The following MAPK10 variants were observed in gnomAD, a reference collection of about 807,000 sequenced individuals.
MAPK10 encodes JNK3 alpha protein kinase.
Under a neutral mutation model 59.3 loss-of-function variants are expected in MAPK10, and 25 were observed. The ratio of observed to expected loss-of-function variants is 0.42; its 90% confidence interval spans 0.31 to 0.59. The LOEUF is 0.59. Among genes scored for constraint, MAPK10 ranks in the 20% least tolerant of loss-of-function variants. The pLI is 0.15. For synonymous variants in MAPK10, 190 were observed against 200.5 expected, an observed-to-expected ratio of 0.95 and a Z score of 0.44; for missense variants, 351 against 568.9, an observed-to-expected ratio of 0.62 and a Z score of 3.90.
intron 3 of MAPK10, among the ~76,000 whole-genome samples, chr4:86,174,829 A>G (rs559862280): frequency 4.6e-5 from 7 of 152,284 alleles, no homozygotes; most frequent in African/African-American, 1.4e-4. Context: ...TCTTCATTCT[A>G]TATTTATTTT....
intron 9 of MAPK10, among the ~76,000 whole-genome samples, chr4:86,093,517 G>A (rs1406805542): frequency 1.3e-5 from 2 of 151,746 alleles, no homozygotes; most frequent in Non-Finnish European, 2.9e-5. Context: ...CATAAATTTA[G>A]TTGTTTAACA....
At chr4:86,275,734 G>T (rs2148783584) in intron 2 of MAPK10, among the ~76,000 whole-genome samples, 1 of 152,106 alleles carries the variant, frequency 6.6e-6, no homozygotes, top group South Asian at 2.1e-4. Flanking sequence ...ATGTGTTCTA[G>T]TTTCCAAAGT....
intron 4 of MAPK10, among the ~76,000 whole-genome samples, chr4:86,109,099 G>A (rs1261622937): frequency 2.6e-5 from 4 of 152,182 alleles, no homozygotes; most frequent in Non-Finnish European, 5.9e-5. Flanking sequence ...GGTAGAGCTA[G>A]TAACTCTCTC....
chr4:86,170,230 T>C (rs1365039085), intron 3 of MAPK10, among the ~76,000 whole-genome samples: 2 of 151,836 alleles, frequency 1.3e-5, no homozygotes, highest in Non-Finnish European at 2.9e-5. Flanking sequence ...TAAATGTAAA[T>C]GGACTAAATG....
At chr4:86,062,870 T>C (rs949423491) in intron 11 of MAPK10, among the ~76,000 whole-genome samples, 1 of 152,160 alleles carries the variant, frequency 6.6e-6, no homozygotes, top group African/African-American at 2.4e-5. Context: ...AGAGGTTCTA[T>C]ATTTTGGTTG....
chr4:86,256,064 C>G (rs536331791), intron 2 of MAPK10, among the ~76,000 whole-genome samples: 6 of 152,256 alleles, frequency 3.9e-5, no homozygotes, highest in African/African-American at 1.4e-4. Flanking sequence ...ATTACAGGCA[C>G]CAGACAAGTT....
At chr4:86,171,621 A>AC (rs1383393903) in intron 3 of MAPK10, among the ~76,000 whole-genome samples, 1 of 152,288 alleles carries the variant, frequency 6.6e-6, no homozygotes, top group Middle Eastern at 3.4e-3. Flanking sequence ...AACCATAAAA[A>AC]CCCTAGGAGA....
At chr4:86,285,389 G>A (rs2094963042) in intron 2 of MAPK10, among the ~76,000 whole-genome samples, 1 of 151,838 alleles carries the variant, frequency 6.6e-6, no homozygotes, top group African/African-American at 2.4e-5. Flanking sequence ...GCTAATTTTT[G>A]TATTTTTAGT....
At chr4:86,386,216 T>C (rs1013530725) in intron 1 of MAPK10, among the ~76,000 whole-genome samples, 1 of 152,240 alleles carries the variant, frequency 6.6e-6, no homozygotes, top group Admixed American at 6.5e-5. Flanking sequence ...ACTCCGCTCC[T>C]GGTTGACATT....
chr4:86,046,242 A>T (rs2042477472), intron 11 of MAPK10, among the ~76,000 whole-genome samples: 1 of 151,728 alleles, frequency 6.6e-6, no homozygotes, highest in Non-Finnish European at 1.5e-5. Context: ...CAATCATGTC[A>T]TCTGCAAACA....
intron 1 of MAPK10, among the ~76,000 whole-genome samples, chr4:86,517,269 CTTTTTT>C (rs1176457005): frequency 1.2e-5 from 1 of 84,264 alleles, no homozygotes; most frequent in Non-Finnish European, 2.2e-5. Flanking sequence ...GGTGTATTAT[CTTTTTT>C]TTTTTTTTTT....
intron 1 of MAPK10, among the ~76,000 whole-genome samples, chr4:86,475,234 G>C (rs546858067): frequency 6.6e-6 from 1 of 152,218 alleles, no homozygotes; most frequent in East Asian, 1.9e-4. Context: ...TGAAATTTTG[G>C]TGCCATGACT....
At chr4:86,322,478 G>T (rs886448305) in intron 2 of MAPK10, among the ~76,000 whole-genome samples, 3 of 152,158 alleles carry the variant, frequency 2.0e-5, no homozygotes, top group Admixed American at 2.0e-4. Context: ...CCTGAACGAT[G>T]CCTATAAAAA....
At chr4:86,489,103 T>C (rs921250844) in intron 1 of MAPK10, among the ~76,000 whole-genome samples, 6 of 152,056 alleles carry the variant, frequency 3.9e-5, no homozygotes, top group Admixed American at 2.0e-4. Context: ...AGGGAAGCCA[T>C]ACAGGACCAG....
chr4:86,585,209 TCCCC>T (rs1412137022), intron 1 of MAPK10, among the ~76,000 whole-genome samples: 2 of 152,104 alleles, frequency 1.3e-5, no homozygotes, highest in Non-Finnish European at 2.9e-5. Flanking sequence ...AAGTCTTATT[TCCCC>T]CTCCACACTC....
At chr4:86,386,928 C>T (rs1370075495) in intron 1 of MAPK10, among the ~76,000 whole-genome samples, 2 of 152,008 alleles carry the variant, frequency 1.3e-5, no homozygotes, top group Non-Finnish European at 2.9e-5. Context: ...ACATCATATG[C>T]CTCAAGACTG....
chr4:86,342,511 T>C (rs576235080), intron 2 of MAPK10, among the ~76,000 whole-genome samples: 1 of 146,334 alleles, frequency 6.8e-6, no homozygotes, highest in South Asian at 2.4e-4. Flanking sequence ...TTATTATTGA[T>C]GGCTTAGATT....
rs1325884494 is a variant in MAPK10 at position 86,015,077 on chromosome 4, A to G, written c.*2151T>C. On this transcript the variant is annotated 3_prime_UTR_variant, in exon 14 of 14. Transcript: ENST00000641462. ...AAGTGACTGAGGAGGCATTTTTAACAATCAGGTTATCTGCAATATTAACCA... is the reference window on the plus strand; with the variant it reads ...AAGTGACTGAGGAGGCATTTTTAACGATCAGGTTATCTGCAATATTAACCA... The G allele has an allele frequency of 6.6e-6, 1 of 152,086 alleles. No individual in the cohort carries two copies. The highest frequency in any genetic ancestry group is 1.5e-5 in the Non-Finnish European group (1 of 68,006). 9.4% of individuals were successfully genotyped at this position (152,086 alleles called of 1,614,324 possible). A position where few individuals can be genotyped will look rare whatever the true frequency, so the allele number is the denominator to read the frequency against.
intron 4 of MAPK10, among the ~76,000 whole-genome samples, chr4:86,156,761 G>GA (rs1328584401): frequency 1.1e-4 from 16 of 152,078 alleles, no homozygotes; most frequent in South Asian, 1.0e-3. Flanking sequence ...GTTGGTAACA[G>GA]AAAAAACACT....
Sources: gnomAD v4.1 joint callset for allele counts (sites outside exome capture counted in the v4.1 genomes callset) on GRCh38, gnomAD v4.1.1 for gene constraint, MANE v1.5 for transcripts, NCBI Gene and HGNC (gene_info 2026-07-23, HGNC 2026-07-21) for gene names.